Variants in SLC8A2 observed in about 807,000 individuals in gnomAD.
SLC8A2 encodes the protein solute carrier family 8 member A2, also known as sodium/calcium exchanger 2.
In SLC8A2, 14 loss-of-function variants were observed where a neutral mutation model predicts 70.2. That is an observed-to-expected ratio of 0.20 (90% CI 0.13 to 0.31). The LOEUF (loss-of-function observed/expected upper bound fraction) is 0.31. SLC8A2 is among the 10% of genes least tolerant of loss of function. The pLI, the probability that SLC8A2 is intolerant of heterozygous loss-of-function variation, is 1.00. For synonymous variants in SLC8A2, 575 were observed against 594.3 expected (o/e 0.97, Z 0.47); for missense variants, 779 against 1,320.1 (o/e 0.59, Z 6.35).
chr19:47,470,899 G>A (rs1024563893), intron 1 of SLC8A2, among the ~76,000 whole-genome samples: 1 of 152,034 alleles, frequency 6.6e-6, no homozygotes, highest in African/African-American at 2.4e-5. Flanking sequence ...GAGAGCAGGG[G>A]AGCTCTGCTG....
At chr19:47,449,151 G>A (rs747248668) in intron 3 of SLC8A2, among the ~76,000 whole-genome samples, 39 of 152,146 alleles carry the variant, frequency 2.6e-4, no homozygotes, top group Admixed American at 6.5e-4. Flanking sequence ...AACAAACACA[G>A]GATGTCAGGT....
intron 2 of SLC8A2, among the ~76,000 whole-genome samples, chr19:47,460,796 G>T (rs764296920): frequency 6.6e-5 from 10 of 151,976 alleles, no homozygotes; most frequent in Non-Finnish European, 1.2e-4. Flanking sequence ...TCAGTCTGCT[G>T]GTGGCCCAGC....
chr19:47,447,429 C>T lies in SLC8A2; in HGVS notation c.1763+380G>A. ...CCCCCTTCCTCCTTGGGGCCCTCTT[C>T]TCACCTGTCCGGCCACCCTTCTAGG... On this transcript the variant is annotated intron_variant, in intron 4 of 9. Coordinates refer to ENST00000236877, the MANE Select transcript of SLC8A2 (RefSeq NM_015063.3). The surrounding 1 kb of genome is among the most constrained non-coding windows in gnomAD (Gnocchi z 5.1). The T allele has an allele frequency of 3.4e-6, 1 of 289,888 alleles. No homozygotes were observed. Among genetic ancestry groups the T allele is most frequent in the East Asian group, 1.0e-4 (1 of 9,884 alleles). 18.0% of individuals were successfully genotyped at this position (289,888 alleles called of 1,614,324 possible). A position where few individuals can be genotyped will look rare whatever the true frequency, so the allele number is the denominator to read the frequency against.
chr19:47,454,659 C>A (rs1333882506), intron 3 of SLC8A2, among the ~76,000 whole-genome samples: 1 of 152,064 alleles, frequency 6.6e-6, no homozygotes, highest in East Asian at 1.9e-4. Flanking sequence ...ACAAAAGGAT[C>A]CTGGACTGAC....
chr19:47,453,926 GACAAA>G (rs1475133080), intron 3 of SLC8A2, among the ~76,000 whole-genome samples: 2 of 151,656 alleles, frequency 1.3e-5, no homozygotes, highest in Admixed American at 6.6e-5. Flanking sequence ...CTCTGTCTCA[GACAAA>G]ACAAAACAAA....
chr19:47,446,900 CGTCT>C (rs774454765), intron 4 of SLC8A2, among the ~76,000 whole-genome samples: 20 of 152,050 alleles, frequency 1.3e-4, no homozygotes, highest in Non-Finnish European at 2.4e-4. Flanking sequence ...AATCTGTAAA[CGTCT>C]GTCTACATGT....
At chr19:47,459,047 T>G (rs1306255142) in intron 2 of SLC8A2, among the ~76,000 whole-genome samples, 2 of 149,448 alleles carry the variant, frequency 1.3e-5, no homozygotes, top group Non-Finnish European at 3.0e-5. Flanking sequence ...TCTGTCTCTC[T>G]GTTCCTCACT....
At position 47,429,705 on chromosome 19, in the gene SLC8A2, A is replaced by C; in HGVS notation, c.*384T>G. ...AAGTGGGGGGGGGGTCACTAGGGGA[A>C]GGGAGACTTTGGGGGCAAAGCCAGG... On this transcript the variant is annotated 3_prime_UTR_variant, in exon 10 of 10. Transcript: ENST00000236877. 6 of 200,100 alleles carry C rather than the reference A, an allele frequency of 3.0e-5. No individual in the cohort carries two copies. The highest frequency in any genetic ancestry group is 1.4e-4 in the East Asian group (1 of 6,958). 12.4% of individuals were successfully genotyped at this position (200,100 alleles called of 1,614,324 possible). A position where few individuals can be genotyped will look rare whatever the true frequency, so the allele number is the denominator to read the frequency against.
chr19:47,443,326 C>T lies in SLC8A2; in HGVS notation c.1764-1886G>A, dbSNP rs540187709. Among the ~76,000 whole-genome samples the T allele has an allele frequency of 6.6e-5, 10 of 152,318 alleles. No homozygotes were observed. The East Asian group carries it at 1.7e-3, about 26-fold the overall frequency. On this transcript the variant is annotated intron_variant, in intron 4 of 9. Coordinates refer to ENST00000236877, the MANE Select transcript of SLC8A2 (RefSeq NM_015063.3). ...CAGGAAACAGCCAGAAGTTACCTGT[C>T]ACCTTCAGGCACATAATCCACACCC...
chr19:47,452,543 A>C (rs1023714375), intron 3 of SLC8A2, among the ~76,000 whole-genome samples: 13 of 147,448 alleles, frequency 8.8e-5, no homozygotes, highest in African/African-American at 3.0e-4. Context: ...GGCTCACTGC[A>C]ACCTCTGACT....
Position 47,437,957 on chromosome 19 carries a change from CT to C in SLC8A2, c.1901del (p.Lys634SerfsTer2), listed in dbSNP as rs773809765. The C allele has an allele frequency of 6.2e-7, 1 of 1,614,148 alleles. No homozygotes were observed. Among genetic ancestry groups the C allele is most frequent in the Non-Finnish European group, 8.5e-7 (1 of 1,180,020 alleles). Reference protein sequence around the residue: ...LLLNQGDGDRKLTAEEEEARR... With the variant: ...LLLNQGDGDRXLTAEEEEARR... ...GAGCCTCCTCCTCCTCGGCTGTTAGCTTCCTGTCCCCATCCCCTGCAGCATG... is the reference window on the plus strand; with the variant it reads ...GAGCCTCCTCCTCCTCGGCTGTTAGCTCCTGTCCCCATCCCCTGCAGCATG... On this transcript the variant is annotated frameshift_variant, in exon 7 of 10. Coordinates refer to ENST00000236877, the MANE Select transcript of SLC8A2 (RefSeq NM_015063.3). LOFTEE classifies it high-confidence loss of function.
chr19:47,454,138 C>T (rs867410410), intron 3 of SLC8A2, among the ~76,000 whole-genome samples: 12 of 152,034 alleles, frequency 7.9e-5, no homozygotes, highest in Non-Finnish European at 1.5e-5. Flanking sequence ...AGAGCAAGAC[C>T]CTGTCTCAAA....
At chr19:47,459,284 C>G (rs1967358441) in intron 2 of SLC8A2, among the ~76,000 whole-genome samples, 1 of 152,126 alleles carries the variant, frequency 6.6e-6, no homozygotes, top group South Asian at 2.1e-4. Context: ...CCCTCCTTGC[C>G]TCTGTCTCAG....
chr19:47,458,777 T>G (rs549165080), intron 2 of SLC8A2, among the ~76,000 whole-genome samples: 1 of 151,554 alleles, frequency 6.6e-6, no homozygotes, highest in East Asian at 2.0e-4. Context: ...TCTCAATACC[T>G]GTGTTTCTCC....
chr19:47,435,174 C>T (rs1414842719), intron 8 of SLC8A2, among the ~76,000 whole-genome samples: 1 of 151,930 alleles, frequency 6.6e-6, no homozygotes, highest in East Asian at 1.9e-4. Flanking sequence ...GCCGAGATCA[C>T]ACCACTACAC....
chr19:47,465,568 CCTT>C lies in SLC8A2; in HGVS notation c.675+158_675+160del, dbSNP rs1967446760. On this transcript the variant is annotated intron_variant, in intron 2 of 9. Transcript: ENST00000236877. This position sits in a 1 kb window ranked among gnomAD's most constrained non-coding sequence, Gnocchi z 5.5. Reference sequence around the variant, plus strand: ...GGACTTGCCCTGTTTGGCTCAATTCCCTTGTGTAGTCTGGTGACCTGCACAACC... The same window carrying C: ...GGACTTGCCCTGTTTGGCTCAATTCCGTGTAGTCTGGTGACCTGCACAACC... 1.3e-5 allele frequency among the ~76,000 whole-genome samples: 2 copies of C among 152,340 alleles called. No homozygotes were observed. Among genetic ancestry groups the C allele is most frequent in the South Asian group, 4.1e-4 (2 of 4,828 alleles).
At position 47,457,532 on chromosome 19, in the gene SLC8A2, G is replaced by T. The variant is rs777990869; in HGVS notation, c.738C>A (p.Ala246=). ...ACTTGTAGAAGAGCAGCCGCTTGTC[G>T]GCCATCCAGGCGAATACCACGCACA... ...FPVCVVFAWM[A]DKRLLFYKYV... is the part of the protein sequence containing the mutation. Residue 246 remains alanine (A), a synonymous_variant, in exon 3 of 10, where the codon GCC becomes GCA. Transcript: ENST00000236877. 4 of 1,602,494 alleles carry T rather than the reference G, an allele frequency of 2.5e-6. No homozygotes were observed. The highest frequency in any genetic ancestry group is 3.4e-6 in the Non-Finnish European group (4 of 1,175,784).
chr19:47,439,603 C>CTCCTTCCTTTCTTCCTTCCTTCCT (rs1967073912), intron 6 of SLC8A2, among the ~76,000 whole-genome samples: 2 of 68,548 alleles, frequency 2.9e-5, no homozygotes, highest in African/African-American at 1.7e-4. Flanking sequence ...TCTCTTCTCC[C>CTCCTTCCTTTCTTCCTTCCTTCCT]TCCTTCCTTC....
rs1967180421 is a variant in SLC8A2 at position 47,447,545 on chromosome 19, A to G, written c.1763+264T>C. The G allele has an allele frequency of 2.1e-6, 1 of 465,430 alleles. No individual in the cohort carries two copies. Among genetic ancestry groups the G allele is most frequent in the Non-Finnish European group, 3.8e-6 (1 of 262,478 alleles). 28.8% of individuals were successfully genotyped at this position (465,430 alleles called of 1,614,324 possible). A position where few individuals can be genotyped will look rare whatever the true frequency, so the allele number is the denominator to read the frequency against. ...CTAGGCCCCGCCCCTCCCGAGGCCAAGCCCACTTTGGAGAACGATTCACTC... is the reference window on the plus strand; with the variant it reads ...CTAGGCCCCGCCCCTCCCGAGGCCAGGCCCACTTTGGAGAACGATTCACTC... On this transcript the variant is annotated intron_variant, in intron 4 of 9. Coordinates refer to ENST00000236877, the MANE Select transcript of SLC8A2 (RefSeq NM_015063.3). The surrounding 1 kb of genome is among the most constrained non-coding windows in gnomAD (Gnocchi z 5.1).
Sources: gnomAD v4.1 joint callset for allele counts (sites outside exome capture counted in the v4.1 genomes callset) on GRCh38, gnomAD v4.1.1 for gene constraint, Gnocchi (gnomAD v3.1) non-coding constraint, MANE v1.5 for transcripts, NCBI Gene and HGNC (gene_info 2026-07-23, HGNC 2026-07-21) for gene names.